Variants in CUX1 observed in about 807,000 individuals in gnomAD.
CUX1 encodes the protein protein CASP.
CUX1 carries 31 observed loss-of-function variants against 158.8 expected under a neutral mutation model. The ratio of observed to expected loss-of-function variants is 0.20; its 90% CI spans 0.15 to 0.26. CUX1 has a LOEUF of 0.26. Among genes scored for constraint, CUX1 ranks in the 10% least tolerant of loss-of-function variants. The pLI, the probability that CUX1 is intolerant of heterozygous loss-of-function variation, is 1.00. For missense variants in CUX1, 1,589 were observed against 2,014.6 expected, an observed-to-expected ratio of 0.79 and a Z score of 4.04; for synonymous variants, 879 against 862.1, an observed-to-expected ratio of 1.02 and a Z score of -0.34.
intron 1 of CUX1, among the ~76,000 whole-genome samples, chr7:101,855,229 C>T (rs1310646272): frequency 2.6e-5 from 4 of 152,232 alleles, no homozygotes; most frequent in Non-Finnish European, 5.9e-5. Context: ...CCAGTGAAAC[C>T]CTGGCCGCCT....
intron 2 of CUX1, among the ~76,000 whole-genome samples, chr7:102,002,199 C>T (rs1816763450): frequency 6.6e-6 from 1 of 152,216 alleles, no homozygotes; most frequent in Admixed American, 6.5e-5. Flanking sequence ...ACTCCAGAGG[C>T]TGAGGCAGGA....
intron 1 of CUX1, among the ~76,000 whole-genome samples, chr7:101,825,794 T>TGC (rs1431682565): frequency 2.1e-5 from 2 of 95,328 alleles, no homozygotes; most frequent in African/African-American, 4.1e-5. Flanking sequence ...TGTGTGTGTG[T>TGC]GTGTGCGCGC....
At chr7:101,854,781 A>G (rs999260062) in intron 1 of CUX1, among the ~76,000 whole-genome samples, 4 of 152,044 alleles carry the variant, frequency 2.6e-5, no homozygotes, top group Non-Finnish European at 4.4e-5. Flanking sequence ...GTCTCACTCT[A>G]TCACCCAGGC....
chr7:101,832,369 A>G (rs1430269927), intron 1 of CUX1, among the ~76,000 whole-genome samples: 2 of 152,158 alleles, frequency 1.3e-5, no homozygotes, highest in Admixed American at 6.5e-5. Context: ...CAGCCTGTGG[A>G]GGGTGTGGTC....
At chr7:101,863,496 A>G (rs771295924) in intron 1 of CUX1, among the ~76,000 whole-genome samples, 1 of 152,042 alleles carries the variant, frequency 6.6e-6, no homozygotes, top group African/African-American at 2.4e-5. Context: ...GATTATAGGC[A>G]TGTGCCACCA....
chr7:102,024,072 T>C (rs1002745428), intron 2 of CUX1, among the ~76,000 whole-genome samples: 6 of 152,232 alleles, frequency 3.9e-5, no homozygotes, highest in Non-Finnish European at 8.8e-5. Flanking sequence ...TTCTCAGAGC[T>C]GGTGTTTGCG....
intron 1 of CUX1, among the ~76,000 whole-genome samples, chr7:101,832,448 G>C (rs1794143458): frequency 6.6e-6 from 1 of 152,188 alleles, no homozygotes; most frequent in African/African-American, 2.4e-5. Context: ...CGGTGCAGGG[G>C]GCTGGCACCT....
chr7:102,212,544 T>C (rs1796651740), intron 20 of CUX1, among the ~76,000 whole-genome samples: 1 of 152,166 alleles, frequency 6.6e-6, no homozygotes, highest in Non-Finnish European at 1.5e-5. Context: ...ATTTGCAGGA[T>C]TTTTTCCAAG....
chr7:101,911,593 C>T (rs909600291), intron 1 of CUX1, among the ~76,000 whole-genome samples: 1 of 151,914 alleles, frequency 6.6e-6, no homozygotes, highest in African/African-American at 2.4e-5. Flanking sequence ...TTGACCTTGG[C>T]CCGCCAGTGG....
intron 2 of CUX1, among the ~76,000 whole-genome samples, chr7:101,939,054 A>AATACATAC (rs1563035769): frequency 7.6e-5 from 7 of 92,634 alleles, no homozygotes; most frequent in Admixed American, 2.7e-4. Flanking sequence ...AAAAAAAAAA[A>AATACATAC]ATACATATAT....
rs1301363827 is a variant in CUX1 at position 102,173,048 on chromosome 7, G to GA, written c.828+2501dup. ...TGTGCTCCAACCTGGGCAACAGAGA[G>GA]AAACCCTGTCTCCAAAAAAGTAAAT... On this transcript the variant is annotated intron_variant, in intron 10 of 23. Transcript: ENST00000292535. Among the ~76,000 whole-genome samples, 4 of 152,136 alleles carry GA rather than the reference G, an allele frequency of 2.6e-5. No homozygotes were observed. In the South Asian group the frequency reaches 8.3e-4, roughly 32 times the overall value.
chr7:101,921,709 G>A lies in CUX1; in HGVS notation c.141+5484G>A, dbSNP rs147540965. ...ACTCCTGACTTCAGGTGATCCACCC[G>A]CCTCGGCCTCCCGAAGTGCCAAGTG... On this transcript the variant is annotated intron_variant, in intron 2 of 23. Transcript: ENST00000292535. 8.0e-3 allele frequency among the ~76,000 whole-genome samples: 1,211 copies of A among 152,238 alleles called. 15 individuals carry two copies. Among genetic ancestry groups the A allele is most frequent in the African/African-American group, 0.027 (1,141 of 41,520 alleles).
chr7:101,831,296 T>C (rs1793976012), intron 1 of CUX1, among the ~76,000 whole-genome samples: 1 of 145,958 alleles, frequency 6.9e-6, no homozygotes, highest in African/African-American at 2.5e-5. Flanking sequence ...ACTGACATTC[T>C]TTTTTTTTTT....
intron 3 of CUX1, among the ~76,000 whole-genome samples, chr7:102,040,836 C>T (rs1371733517): frequency 1.3e-5 from 2 of 152,222 alleles, no homozygotes; most frequent in Admixed American, 6.5e-5. Flanking sequence ...TCTTTCTGCC[C>T]GACTTTGCTC....
intron 12 of CUX1, among the ~76,000 whole-genome samples, chr7:102,192,633 G>A (rs539178256): frequency 5.3e-5 from 8 of 152,194 alleles, no homozygotes; most frequent in South Asian, 2.1e-4. Context: ...GGCCAAAACC[G>A]TCTCTACTAA....
At chr7:102,077,565 T>TA (rs1826912302) in intron 4 of CUX1, among the ~76,000 whole-genome samples, 1 of 123,918 alleles carries the variant, frequency 8.1e-6, no homozygotes, top group African/African-American at 2.8e-5. Context: ...ACAAGTAAAA[T>TA]ATGCAGCCTC....
chr7:102,178,397 T>G, intron 10 of CUX1, 72 bp from the exon 11 acceptor site: 1 of 1,410,094 alleles, frequency 7.1e-7, no homozygotes, highest in South Asian at 1.3e-5. Context: ...CTGTCTCAGT[T>G]GCCAGCACAG....
intron 1 of CUX1, among the ~76,000 whole-genome samples, chr7:101,825,095 C>T (rs531348065): frequency 3.3e-5 from 5 of 152,306 alleles, no homozygotes; most frequent in South Asian, 2.1e-4. Context: ...AGCAACCGCC[C>T]GGAGAATACC....
rs1554484593 is a variant in CUX1 at position 102,097,395 on chromosome 7, A to G, written c.300A>G (p.Gln100=). The G allele has an allele frequency of 1.9e-6, 3 of 1,611,238 alleles. No homozygotes were observed. Among genetic ancestry groups the G allele is most frequent in the African/African-American group, 2.7e-5 (2 of 74,738 alleles). The part of the protein sequence containing the change: ...DPVPALDLGQ[Q]LQLKVQRLHD... Reference sequence around the variant, plus strand: ...TACCAGCTTTGGATCTCGGACAGCAACTCCAGCTCAAAGTGCAGCGCCTGC... The same window carrying G: ...TACCAGCTTTGGATCTCGGACAGCAGCTCCAGCTCAAAGTGCAGCGCCTGC... Residue 100 remains glutamine (Q), a synonymous_variant, in exon 5 of 24, where the codon CAA becomes CAG. Coordinates refer to ENST00000292535, the MANE Select transcript of CUX1 (RefSeq NM_181552.4).
Sources: allele counts gnomAD v4.1 joint callset (sites outside exome capture counted in the v4.1 genomes callset), GRCh38; gene constraint gnomAD v4.1.1; transcripts MANE v1.5; gene names NCBI Gene and HGNC (gene_info 2026-07-23, HGNC 2026-07-21).